Variants in SGCZ observed in about 807,000 individuals in gnomAD.
SGCZ encodes sarcoglycan zeta, also known as zeta-sarcoglycan.
Under a neutral mutation model 41.3 loss-of-function variants are expected in SGCZ, and 40 were observed. The observed-to-expected ratio is 0.97, with a 90% CI of 0.75 to 1.26. The LOEUF is 1.26. Among genes scored for constraint, SGCZ ranks in the 50% most tolerant of loss-of-function variants. SGCZ has a pLI of 0.00. For missense variants in SGCZ, 552 were observed against 369.8 expected, an observed-to-expected ratio of 1.49 and a Z score of -4.04; for synonymous variants, 206 against 137.5, an observed-to-expected ratio of 1.50 and a Z score of -3.49.
chr8:14,617,786 T>C (rs939104248), intron 1 of SGCZ, among the ~76,000 whole-genome samples: 1 of 152,140 alleles, frequency 6.6e-6, no homozygotes, highest in South Asian at 2.1e-4. Context: ...CCCTCTGTGG[T>C]TGGGAAAGAT....
chr8:14,427,862 T>C (rs1418643241), intron 2 of SGCZ, among the ~76,000 whole-genome samples: 2 of 152,136 alleles, frequency 1.3e-5, no homozygotes, highest in Non-Finnish European at 2.9e-5. Context: ...GATGAAAATA[T>C]TTTAAAATGA....
chr8:14,730,995 G>C (rs1445798311), intron 1 of SGCZ, among the ~76,000 whole-genome samples: 1 of 151,594 alleles, frequency 6.6e-6, no homozygotes, highest in Non-Finnish European at 1.5e-5. Context: ...CAAGAATCTA[G>C]AACCAGAAAT....
chr8:14,642,367 A>T (rs1182841556), intron 1 of SGCZ, among the ~76,000 whole-genome samples: 1 of 151,582 alleles, frequency 6.6e-6, no homozygotes, highest in African/African-American at 2.4e-5. Flanking sequence ...AGTCTAAGAG[A>T]TGGTCACACC....
chr8:14,429,729 T>G (rs1414537321), intron 2 of SGCZ, among the ~76,000 whole-genome samples: 1 of 152,178 alleles, frequency 6.6e-6, no homozygotes, highest in East Asian at 1.9e-4. Context: ...GTTCTACCAT[T>G]TGATAGCTGT....
chr8:14,537,226 C>G (rs547043364), intron 2 of SGCZ, among the ~76,000 whole-genome samples: 87 of 152,040 alleles, frequency 5.7e-4, no homozygotes, highest in African/African-American at 2.0e-3. Flanking sequence ...TAACTAATTT[C>G]TGTCATCTTG....
At chr8:14,512,943 A>G (rs1240269864) in intron 2 of SGCZ, among the ~76,000 whole-genome samples, 1 of 152,116 alleles carries the variant, frequency 6.6e-6, no homozygotes, top group African/African-American at 2.4e-5. Context: ...TGAGGAATGA[A>G]GCCTGATAAT....
intron 1 of SGCZ, chr8:14,878,936 T>A (rs1804472719): frequency 6.6e-6 from 1 of 152,108 alleles, no homozygotes; most frequent in Non-Finnish European, 1.5e-5. Context: ...TTGTTGTTGT[T>A]TTACCTATTC....
Position 14,691,070 on chromosome 8 carries a change from T to G in SGCZ, c.40-136144A>C, listed in dbSNP as rs548348629. Among the ~76,000 whole-genome samples the G allele has an allele frequency of 2.6e-5, 4 of 152,316 alleles. No individual in the cohort carries two copies. In the South Asian group the frequency reaches 8.3e-4, roughly 32 times the overall value. On this transcript the variant is annotated intron_variant, in intron 1 of 7. Coordinates refer to ENST00000382080, the MANE Select transcript of SGCZ (RefSeq NM_139167.4). ...TAAGTCCTACTATATGTATCACTTTTTAGCATACTATAAATGCACTTATTT... is the reference window on the plus strand; with the variant it reads ...TAAGTCCTACTATATGTATCACTTTGTAGCATACTATAAATGCACTTATTT...
intron 5 of SGCZ, among the ~76,000 whole-genome samples, chr8:14,110,844 G>A (rs1802350055): frequency 6.6e-6 from 1 of 152,076 alleles, no homozygotes; most frequent in African/African-American, 2.4e-5. Flanking sequence ...CTTGAGGGCA[G>A]GAGTTCCAGA....
rs1801459569 is a variant in SGCZ, at chr8:14,309,565, A to G, written c.336+14538T>C. 6 of 1,610,654 alleles carry G rather than the reference A, an allele frequency of 3.7e-6. No individual in the cohort carries two copies. The South Asian group carries it at 5.5e-5, about 15-fold the overall frequency. On this transcript the variant is annotated intron_variant, in intron 3 of 7. Transcript: ENST00000382080. ...AAGCTGTTACACATACAGGGACGGTATAACAAGGAAAGGTTAGGACTTCAT... is the reference window on the plus strand; with the variant it reads ...AAGCTGTTACACATACAGGGACGGTGTAACAAGGAAAGGTTAGGACTTCAT...
At chr8:14,544,723 A>T (rs1399113136) in intron 2 of SGCZ, among the ~76,000 whole-genome samples, 1 of 151,842 alleles carries the variant, frequency 6.6e-6, no homozygotes, top group African/African-American at 2.4e-5. Flanking sequence ...CTGCTCTTGA[A>T]CCCTGTTTTC....
At chr8:14,226,125 T>C (rs1359890250) in intron 4 of SGCZ, among the ~76,000 whole-genome samples, 1 of 152,082 alleles carries the variant, frequency 6.6e-6, no homozygotes, top group Non-Finnish European at 1.5e-5. Context: ...AATTCCCCAC[T>C]GGACCTGAAG....
intron 2 of SGCZ, among the ~76,000 whole-genome samples, chr8:14,502,536 A>C (rs941802513): frequency 1.3e-5 from 2 of 152,170 alleles, no homozygotes. Context: ...TAATAGTGAG[A>C]AAATTTTTGC....
chr8:14,330,611 C>G (rs1802283020), intron 2 of SGCZ, among the ~76,000 whole-genome samples: 1 of 151,586 alleles, frequency 6.6e-6, no homozygotes, highest in African/African-American at 2.4e-5. Flanking sequence ...TTTAAAATGA[C>G]TGTTTAAATT....
intron 2 of SGCZ, among the ~76,000 whole-genome samples, chr8:14,369,670 TTTAA>T (rs1430815350): frequency 8.5e-5 from 13 of 152,060 alleles, no homozygotes; most frequent in Admixed American, 7.2e-4. Context: ...TGATTGTTCT[TTTAA>T]TTAAGTAATC....
chr8:14,800,368 G>T (rs1332394064), intron 1 of SGCZ, among the ~76,000 whole-genome samples: 1 of 152,116 alleles, frequency 6.6e-6, no homozygotes, highest in Non-Finnish European at 1.5e-5. Context: ...AATAGGGAAG[G>T]GGTTAATCCT....
At chr8:14,636,396 T>G (rs1382644613) in intron 1 of SGCZ, among the ~76,000 whole-genome samples, 1 of 151,894 alleles carries the variant, frequency 6.6e-6, no homozygotes. Context: ...AACCAGCTAG[T>G]CTTACTAAGC....
intron 1 of SGCZ, among the ~76,000 whole-genome samples, chr8:14,790,354 A>T (rs35646042): frequency 0.35 from 53,746 of 152,116 alleles, 11,643 homozygotes; most frequent in East Asian, 0.49. Context: ...GACAGCAATA[A>T]TCTTGTCAAT....
At chr8:14,622,258 G>C (rs758557086) in intron 1 of SGCZ, among the ~76,000 whole-genome samples, 20 of 152,144 alleles carry the variant, frequency 1.3e-4, no homozygotes, top group Admixed American at 3.9e-4. Flanking sequence ...GAGGTAGTGA[G>C]TAACTGTTAA....
Sources: allele counts gnomAD v4.1 joint callset (sites outside exome capture counted in the v4.1 genomes callset), GRCh38; gene constraint gnomAD v4.1.1; transcripts MANE v1.5; gene names NCBI Gene and HGNC (gene_info 2026-07-23, HGNC 2026-07-21).